PTAR1: variants seen among roughly 807,000 people sequenced by gnomAD.
PTAR1 encodes protein prenyltransferase alpha subunit repeat-containing protein 1.
In PTAR1, 17 loss-of-function variants were observed where a neutral mutation model predicts 45.5. That is an observed-to-expected ratio of 0.37 (90% CI 0.26 to 0.56). The LOEUF (loss-of-function observed/expected upper bound fraction) is 0.56. Among genes scored for constraint, PTAR1 ranks in the 20% least tolerant of loss-of-function variants. The pLI, the probability that PTAR1 is intolerant of heterozygous loss-of-function variation, is 0.77. For synonymous variants in PTAR1, 169 were observed against 171.3 expected (o/e 0.99, Z 0.11); for missense variants, 391 against 476.3 (o/e 0.82, Z 1.67).
At chr9:69,757,704 G>A (rs1826851447) in intron 1 of PTAR1, 1 of 151,780 alleles carries the variant, frequency 6.6e-6, no homozygotes, top group South Asian at 2.1e-4. Context: ...TACTGAAAGT[G>A]TAATTAGATA....
At chr9:69,718,746 AG>A in intron 6 of PTAR1, 62 bp from the exon 7 acceptor site, 1 of 1,360,574 alleles carries the variant, frequency 7.3e-7, no homozygotes, top group Non-Finnish European at 9.8e-7. Context: ...AAGCTTTTCC[AG>A]AAAAAAAAGT....
rs1418000623 is a variant in PTAR1 at position 69,712,257 on chromosome 9, T to C, written c.*6085A>G. 2.0e-5 allele frequency: 3 copies of C among 152,172 alleles called. No homozygotes were observed. The highest frequency in any genetic ancestry group is 4.4e-5 in the Non-Finnish European group (3 of 68,012). The allele number at this position is 152,172 out of a possible 1,614,324, so 9.4% of individuals were successfully genotyped here. On this transcript the variant is annotated 3_prime_UTR_variant, in exon 8 of 8. Coordinates refer to ENST00000340434, the MANE Select transcript of PTAR1 (RefSeq NM_001099666.2). ...GAAGAAAAGCCAGAATGTTATTGTT[T>C]GTAAACCACTAAAGACTTAATATGA...
intron 1 of PTAR1, 88 bp downstream of exon 1, chr9:69,759,765 C>G (rs1458853436): frequency 2.2e-6 from 3 of 1,343,246 alleles, no homozygotes; most frequent in South Asian, 2.9e-5. Flanking sequence ...ACCCGCTGTC[C>G]GCCCGCCGCC....
chr9:69,734,039 C>G lies in PTAR1; in HGVS notation c.428+111G>C, dbSNP rs535840980. The stretch of plus-strand genomic sequence containing the variant: ...GATTTAAATGTAGGTAACCTGACTT[C>G]AGAATTCATGCTCTGGAACCAATAA... On this transcript the variant is annotated intron_variant, in intron 4 of 7. Transcript: ENST00000340434. 4.5e-6 allele frequency: 3 copies of G among 668,180 alleles called. No homozygotes were observed. In the African/African-American group the frequency reaches 5.6e-5, roughly 12 times the overall value. 41.4% of individuals were successfully genotyped at this position (668,180 alleles called of 1,614,324 possible). A position where few individuals can be genotyped will look rare whatever the true frequency, so the allele number is the denominator to read the frequency against.
chr9:69,742,576 G>A (rs1263796504), intron 2 of PTAR1, among the ~76,000 whole-genome samples: 1 of 151,734 alleles, frequency 6.6e-6, no homozygotes, highest in African/African-American at 2.4e-5. Flanking sequence ...CTATTTTCTT[G>A]GGCTATATTT....
chr9:69,747,686 C>G (rs1209815176), intron 2 of PTAR1, among the ~76,000 whole-genome samples: 1 of 152,114 alleles, frequency 6.6e-6, no homozygotes, highest in Non-Finnish European at 1.5e-5. Context: ...CCAACTATTG[C>G]CAGGTAGAAA....
At position 69,714,049 on chromosome 9, in the gene PTAR1, T is replaced by A. The variant is rs1325671088; in HGVS notation, c.*4293A>T. ...TACAGTTATTTTTTAAAAGACACTA[T>A]GTGACAATAAGGAATTCTTAGGGTT... On this transcript the variant is annotated 3_prime_UTR_variant, in exon 8 of 8. Coordinates refer to ENST00000340434, the MANE Select transcript of PTAR1 (RefSeq NM_001099666.2). The A allele has an allele frequency of 1.3e-5, 2 of 152,086 alleles. No individual in the cohort carries two copies. The highest frequency in any genetic ancestry group is 4.8e-5 in the African/African-American group (2 of 41,444). The allele number at this position is 152,086 out of a possible 1,614,324, so 9.4% of individuals were successfully genotyped here. A position where few individuals can be genotyped will look rare whatever the true frequency, so the allele number is the denominator to read the frequency against.
At position 69,721,975 on chromosome 9, in the gene PTAR1, T is replaced by C. The variant is rs151204091; in HGVS notation, c.947+1351A>G. ...TCTGGAACTGAACCTGTGATATCTC[T>C]GAGGTATGCCAGTAGCTTAAAAGGT... is the stretch of plus-strand genomic sequence containing the variant. On this transcript the variant is annotated intron_variant, in intron 6 of 7. Coordinates refer to ENST00000340434, the MANE Select transcript of PTAR1 (RefSeq NM_001099666.2). Among the ~76,000 whole-genome samples, 767 of 152,278 alleles carry C rather than the reference T, an allele frequency of 5.0e-3. 8 individuals are homozygous for C. Among genetic ancestry groups the C allele is most frequent in the African/African-American group, 0.018 (733 of 41,556 alleles).
chr9:69,739,918 G>A (rs1825967221), intron 3 of PTAR1, among the ~76,000 whole-genome samples: 1 of 152,040 alleles, frequency 6.6e-6, no homozygotes, highest in Admixed American at 6.6e-5. Context: ...CATCCCTCAA[G>A]TTAGATTTAT....
intron 4 of PTAR1, 78 bp from the exon 5 acceptor site, chr9:69,732,430 C>A: frequency 9.6e-7 from 1 of 1,039,166 alleles, no homozygotes; most frequent in Non-Finnish European, 1.5e-6. Context: ...TTCATTGTTC[C>A]TAATTTAATT....
intron 1 of PTAR1, among the ~76,000 whole-genome samples, chr9:69,756,841 G>A (rs1826800465): frequency 6.6e-6 from 1 of 151,790 alleles, no homozygotes; most frequent in South Asian, 2.1e-4. Flanking sequence ...TTAGTCTTAG[G>A]TCTCATCTAC....
intron 3 of PTAR1, among the ~76,000 whole-genome samples, chr9:69,738,319 C>T (rs1395786910): frequency 6.6e-6 from 1 of 152,186 alleles, no homozygotes; most frequent in African/African-American, 2.4e-5. Context: ...GATTACCTGG[C>T]TGAGTTCAGG....
rs995731928 is a variant in PTAR1, at chr9:69,712,345, T to C, written c.*5997A>G. 17 of 152,186 alleles carry C rather than the reference T, an allele frequency of 1.1e-4. No homozygotes were observed. The highest frequency in any genetic ancestry group is 5.2e-4 in the Admixed American group (8 of 15,258). The allele number at this position is 152,186 out of a possible 1,614,324, so 9.4% of individuals were successfully genotyped here. On this transcript the variant is annotated 3_prime_UTR_variant, in exon 8 of 8. Transcript: ENST00000340434. ...AGCACTTGTGTTTGGTTTCTAACTT[T>C]GCTGGAAGGTGTTGGTCTAATAAAG...
In PTAR1 at chr9:69,718,310, A is replaced by G; in HGVS notation, c.*32T>C. ...ATAAAAGAAAGCAATATTGCACTAA[A>G]AGGGGAACCTTGTAGGACTAATTCA... On this transcript the variant is annotated 3_prime_UTR_variant, in exon 8 of 8. Coordinates refer to ENST00000340434, the MANE Select transcript of PTAR1 (RefSeq NM_001099666.2). 1 of 1,484,454 alleles carries G rather than the reference A, an allele frequency of 6.7e-7. No individual in the cohort carries two copies. The highest frequency in any genetic ancestry group is 2.3e-5 in the East Asian group (1 of 43,720). The allele number at this position is 1,484,454 out of a possible 1,614,324, so 92.0% of individuals were successfully genotyped here.
intron 6 of PTAR1, 126 bp downstream of exon 6, chr9:69,723,200 G>A (rs1310016953): frequency 1.1e-5 from 8 of 758,366 alleles, no homozygotes; most frequent in Non-Finnish European, 1.8e-5. Context: ...ATTCACTCAG[G>A]CAAAGCTCCA....
intron 2 of PTAR1, among the ~76,000 whole-genome samples, chr9:69,746,809 T>C (rs1826295106): frequency 6.6e-6 from 1 of 152,230 alleles, no homozygotes; most frequent in Non-Finnish European, 1.5e-5. Context: ...CAATATGCTT[T>C]TCTTGCTGCA....
Position 69,734,247 on chromosome 9 carries a change from G to T in PTAR1, c.331C>A (p.Leu111Met). 3.8e-6 allele frequency: 2 copies of T among 524,034 alleles called. No homozygotes were observed. The highest frequency in any genetic ancestry group is 6.4e-6 in the Non-Finnish European group (2 of 311,416). 32.5% of individuals were successfully genotyped at this position (524,034 alleles called of 1,614,324 possible). ...FTTAWNVRKE[L>M]ILSGTLNPIK... ...GGATTTAAAGTGCCAGAGAGGATCA[G>T]CTCTTTCCTGTAAAAAAAAAAAAAA... Residue 111 changes from leucine to methionine, a missense_variant, in exon 4 of 8, where the codon CTG becomes ATG. By Grantham distance (15) the Leu-to-Met change is conservative. Transcript: ENST00000340434.
chr9:69,749,362 G>T (rs1448405381), intron 2 of PTAR1, among the ~76,000 whole-genome samples: 18 of 152,084 alleles, frequency 1.2e-4, no homozygotes, highest in Admixed American at 8.5e-4. Context: ...GTACAGCTTT[G>T]TTTGGCAAAA....
intron 5 of PTAR1, among the ~76,000 whole-genome samples, chr9:69,729,077 T>C (rs1047426997): frequency 6.6e-6 from 1 of 152,170 alleles, no homozygotes; most frequent in African/African-American, 2.4e-5. Context: ...CCCAGCACTT[T>C]GGGAGGCAGA....
Sources: allele counts gnomAD v4.1 joint callset (sites outside exome capture counted in the v4.1 genomes callset), GRCh38; gene constraint gnomAD v4.1.1; transcripts MANE v1.5; gene names NCBI Gene and HGNC (gene_info 2026-07-23, HGNC 2026-07-21).